The following FMN1 variants were observed in gnomAD, a reference collection of about 807,000 sequenced individuals.
The protein encoded by FMN1 is formin 1.
FMN1 carries 110 observed loss-of-function variants against 132.4 expected under a neutral mutation model. That is an observed-to-expected ratio of 0.83 (90% confidence interval 0.71 to 0.97). The LOEUF is 0.97. FMN1 is among the 50% of genes least tolerant of loss of function. FMN1 has a pLI of 0.00. For missense variants in FMN1, 1,792 were observed against 1,705.3 expected (o/e 1.05, Z -0.90); for synonymous variants, 722 against 651.7 (o/e 1.11, Z -1.64).
At position 32,777,006 on chromosome 15, in the gene FMN1, A is replaced by G; in HGVS notation, c.4131-87T>C. ...AAGAAGAAAAGAGTTAAGGCAGGTT[A>G]AACATAAACCCAAATGCTTTTGAAT... On this transcript the variant is annotated intron_variant, in intron 19 of 20. Transcript: ENST00000616417. 1.1e-5 allele frequency: 8 copies of G among 759,242 alleles called. No homozygotes were observed. In the South Asian group the frequency reaches 1.3e-4, roughly 13 times the overall value. 47.0% of individuals were successfully genotyped at this position (759,242 alleles called of 1,614,324 possible).
At chr15:32,812,414 G>A (rs1462482949) in intron 17 of FMN1, among the ~76,000 whole-genome samples, 1 of 152,092 alleles carries the variant, frequency 6.6e-6, no homozygotes, top group African/African-American at 2.4e-5. Flanking sequence ...CCACATTTTG[G>A]GATACTTGCA....
chr15:32,801,750 G>A (rs558104967), intron 18 of FMN1, among the ~76,000 whole-genome samples: 74 of 152,336 alleles, frequency 4.9e-4, no homozygotes, highest in African/African-American at 1.7e-3. Flanking sequence ...AGCCCAGACT[G>A]CGCCACTGCA....
chr15:33,018,370 G>A (rs565931828), intron 6 of FMN1, among the ~76,000 whole-genome samples: 9 of 152,216 alleles, frequency 5.9e-5, no homozygotes, highest in South Asian at 2.1e-4. Context: ...ATGATTAGAG[G>A]GTTGGGACTT....
intron 4 of FMN1, among the ~76,000 whole-genome samples, chr15:33,146,783 G>A (rs957401): frequency 0.04 from 6,126 of 152,146 alleles, 421 homozygotes; most frequent in African/African-American, 0.14. Flanking sequence ...CAGTGAGATC[G>A]GCACCACAGT....
At chr15:32,776,021 G>C (rs1287324144) in intron 20 of FMN1, among the ~76,000 whole-genome samples, 1 of 152,108 alleles carries the variant, frequency 6.6e-6, no homozygotes, top group African/African-American at 2.4e-5. Flanking sequence ...TATTTATTGA[G>C]CTCTTATTAT....
At chr15:32,837,305 T>C in intron 17 of FMN1, 1 of 190,550 alleles carries the variant, frequency 5.2e-6, no homozygotes, top group Non-Finnish European at 1.1e-5. Context: ...TGGTGTGGCC[T>C]GAAGGTCTTC....
At chr15:33,161,695 G>T (rs879905931) in intron 3 of FMN1, among the ~76,000 whole-genome samples, 76 of 152,094 alleles carry the variant, frequency 5.0e-4, no homozygotes, top group Non-Finnish European at 4.0e-4. Context: ...GAGGCGGGCG[G>T]ATCACAAGGT....
intron 16 of FMN1, among the ~76,000 whole-genome samples, chr15:32,874,326 T>C (rs60003861): frequency 2.6e-5 from 4 of 151,990 alleles, no homozygotes; most frequent in Admixed American, 2.6e-4. Flanking sequence ...CGGCCTATAT[T>C]AGCTATATAT....
Position 32,995,588 on chromosome 15 carries a change from TATC to T in FMN1, c.2223+12423_2223+12425del, listed in dbSNP as rs201943052. On this transcript the variant is annotated intron_variant, in intron 7 of 20. Coordinates refer to ENST00000616417, the MANE Select transcript of FMN1 (RefSeq NM_001277313.2). ...ATATGCAACAAATGTTATCTGTTAT[TATC>T]ATCATTATTACCATCATTACTAAAT... 1.2e-4 allele frequency among the ~76,000 whole-genome samples: 18 copies of T among 152,342 alleles called. No homozygotes were observed. In the East Asian group the frequency reaches 3.3e-3, roughly 28 times the overall value.
chr15:32,786,690 G>T (rs562837650), intron 19 of FMN1, among the ~76,000 whole-genome samples: 32 of 152,182 alleles, frequency 2.1e-4, no homozygotes, highest in Admixed American at 1.2e-3. Flanking sequence ...GAATAGAGAA[G>T]ATTGAGGGCA....
At chr15:32,823,508 G>A (rs1460939916) in intron 17 of FMN1, among the ~76,000 whole-genome samples, 1 of 151,974 alleles carries the variant, frequency 6.6e-6, no homozygotes, top group African/African-American at 2.4e-5. Flanking sequence ...GGCCCAAAGA[G>A]GTCATCTCTG....
chr15:33,048,360 C>T (rs1352384787), intron 6 of FMN1, among the ~76,000 whole-genome samples: 1 of 151,864 alleles, frequency 6.6e-6, no homozygotes, highest in Non-Finnish European at 1.5e-5. Context: ...ATGGTAAAAT[C>T]TTGTCCTAAA....
In FMN1 at chr15:33,183,295, T is replaced by C. The variant is rs114927065; in HGVS notation, c.-196-3033A>G. ...TCAAGATAAAATTAGATAGAACTTT[T>C]AATGCACTTACCACAGTAAGTGGCA... On this transcript the variant is annotated intron_variant, in intron 2 of 20. Coordinates refer to ENST00000616417, the MANE Select transcript of FMN1 (RefSeq NM_001277313.2). 3.5e-3 allele frequency among the ~76,000 whole-genome samples: 540 copies of C among 152,342 alleles called. 2 individuals are homozygous for C. The highest frequency in any genetic ancestry group is 0.013 in the African/African-American group (524 of 41,590).
chr15:32,874,397 T>C (rs1345981026), intron 16 of FMN1, among the ~76,000 whole-genome samples: 4 of 152,018 alleles, frequency 2.6e-5, no homozygotes. Context: ...TAGGAAAAGG[T>C]ATGTCATGGA....
chr15:33,128,229 A>T (rs1031575012), intron 4 of FMN1, among the ~76,000 whole-genome samples: 1 of 151,936 alleles, frequency 6.6e-6, no homozygotes, highest in Non-Finnish European at 1.5e-5. Flanking sequence ...ACGAGCAACC[A>T]AAGACCATAA....
At chr15:33,060,352 CTT>C (rs1443602419) in intron 6 of FMN1, among the ~76,000 whole-genome samples, 2 of 152,186 alleles carry the variant, frequency 1.3e-5, no homozygotes, top group African/African-American at 4.8e-5. Flanking sequence ...TTATAACTCT[CTT>C]TGACTGATAA....
intron 8 of FMN1, among the ~76,000 whole-genome samples, chr15:32,966,606 C>T (rs770928917): frequency 2.0e-5 from 3 of 152,056 alleles, no homozygotes; most frequent in Non-Finnish European, 4.4e-5. Context: ...ACGAAAGAGA[C>T]ACCCAAGAAG....
At position 32,798,816 on chromosome 15, in the gene FMN1, A is replaced by G; in HGVS notation, c.4118T>C (p.Ile1373Thr). The change falls in exon 19 of 21, where the codon ATA becomes ACA. Residue 1373 changes from isoleucine (I) to threonine (T), a missense_variant. Ile to Thr is a moderately conservative substitution (Grantham distance 89). Around this residue, in one of 3 missense-constraint regions of FMN1, gnomAD observed 1,150 missense variants for 1,043.1 expected, o/e 1.10. Coordinates refer to ENST00000616417, the MANE Select transcript of FMN1 (RefSeq NM_001277313.2). ...KTIWKRESKNISKERLKMAQE... is the reference protein window; with the variant it reads ...KTIWKRESKNTSKERLKMAQE... ...TTTTGAACCTTACCTTTCTTTAGAT[A>G]TGTTTTTACTCTCCCGTTTCCAAAT... 6.2e-7 allele frequency: 1 copy of G among 1,612,296 alleles called. No homozygotes were observed. Among genetic ancestry groups the G allele is most frequent in the Non-Finnish European group, 8.5e-7 (1 of 1,179,204 alleles).
At chr15:32,939,817 T>C (rs1171118621) in intron 9 of FMN1, among the ~76,000 whole-genome samples, 2 of 152,160 alleles carry the variant, frequency 1.3e-5, no homozygotes, top group Non-Finnish European at 2.9e-5. Flanking sequence ...CTGGTGATCA[T>C]AGTGATAATC....
Sources: allele counts gnomAD v4.1 joint callset (sites outside exome capture counted in the v4.1 genomes callset), GRCh38; gene constraint gnomAD v4.1.1; regional missense constraint gnomAD v4.1.1; transcripts MANE v1.5; gene names NCBI Gene and HGNC (gene_info 2026-07-23, HGNC 2026-07-21).